Variants in ADAMTS6 observed in about 807,000 individuals in gnomAD.
ADAMTS6 encodes the protein A disintegrin and metalloproteinase with thrombospondin motifs 6.
A neutral mutation model predicts 144.3 loss-of-function variants in ADAMTS6; 23 were observed. The ratio of observed to expected loss-of-function variants is 0.16; its 90% CI spans 0.11 to 0.23. The LOEUF is 0.23. Ranked by LOEUF, ADAMTS6 falls within the 10% of genes least tolerant of loss-of-function variation. ADAMTS6 has a pLI of 1.00. For synonymous variants in ADAMTS6, 444 were observed against 457.5 expected, an observed-to-expected ratio of 0.97 and a Z score of 0.38; for missense variants, 999 against 1,379.6, an observed-to-expected ratio of 0.72 and a Z score of 4.37.
intron 14 of ADAMTS6, among the ~76,000 whole-genome samples, chr5:65,255,985 A>C (rs1030025619): frequency 1.3e-5 from 2 of 152,180 alleles, no homozygotes; most frequent in African/African-American, 4.8e-5. Context: ...CTCCCACCTC[A>C]ACCTCCTGAG....
chr5:65,220,660 T>C (rs1203506000), intron 18 of ADAMTS6, among the ~76,000 whole-genome samples: 1 of 151,938 alleles, frequency 6.6e-6, no homozygotes, highest in Non-Finnish European at 1.5e-5. Flanking sequence ...GGCAGGAGAA[T>C]GGCATGAACC....
At chr5:65,253,942 T>C (rs1317185296) in intron 14 of ADAMTS6, among the ~76,000 whole-genome samples, 2 of 142,916 alleles carry the variant, frequency 1.4e-5, no homozygotes, top group African/African-American at 2.6e-5. Flanking sequence ...ATCCTCCCAC[T>C]CAAGCAATCC....
At chr5:65,405,883 T>C (rs1275693933) in intron 7 of ADAMTS6, among the ~76,000 whole-genome samples, 2 of 152,180 alleles carry the variant, frequency 1.3e-5, no homozygotes, top group Non-Finnish European at 2.9e-5. Context: ...GTTGGATTCC[T>C]AGGTATTTTC....
At chr5:65,234,078 CAAA>C (rs3078364) in intron 15 of ADAMTS6, among the ~76,000 whole-genome samples, 11 of 90,370 alleles carry the variant, frequency 1.2e-4, no homozygotes, top group Non-Finnish European at 1.7e-4. Flanking sequence ...TGGTCACGTG[CAAA>C]AAAAAAAAAA....
chr5:65,227,284 G>A (rs1383074034), intron 15 of ADAMTS6, among the ~76,000 whole-genome samples: 1 of 152,228 alleles, frequency 6.6e-6, no homozygotes, highest in East Asian at 1.9e-4. Flanking sequence ...TTTTAAGGCT[G>A]AAGTTAAAAA....
At chr5:65,280,452 C>G (rs1466640986) in intron 11 of ADAMTS6, among the ~76,000 whole-genome samples, 3 of 152,280 alleles carry the variant, frequency 2.0e-5, no homozygotes, top group East Asian at 3.9e-4. Context: ...CTAAGCCAAC[C>G]ACCATGTTGA....
chr5:65,419,915 G>A (rs10077236), intron 7 of ADAMTS6, among the ~76,000 whole-genome samples: 58,784 of 152,020 alleles, frequency 0.39, 11,698 homozygotes, highest in South Asian at 0.43. Context: ...TAGTGGTGAT[G>A]GTTGTACATC....
At chr5:65,372,231 G>C (rs1160486487) in intron 7 of ADAMTS6, among the ~76,000 whole-genome samples, 1 of 146,108 alleles carries the variant, frequency 6.8e-6, no homozygotes, top group Admixed American at 6.6e-5. Flanking sequence ...ACATCATAAT[G>C]ACAAGATCAA....
rs114699052 is a variant in ADAMTS6 at position 65,211,333 on chromosome 5, G to A, written c.2575+3461C>T. On this transcript the variant is annotated intron_variant, in intron 20 of 24. Coordinates refer to ENST00000381055, the MANE Select transcript of ADAMTS6 (RefSeq NM_197941.4). ...AGTAAGCAAGATGGCTGGGTGCAGT[G>A]GCTCACGCCTGTAATCCTAGCACTC... Among the ~76,000 whole-genome samples, 179 of 152,316 alleles carry A rather than the reference G, an allele frequency of 1.2e-3. 1 individual carries two copies. Among genetic ancestry groups the A allele is most frequent in the Non-Finnish European group, 2.0e-3 (136 of 68,026 alleles).
chr5:65,423,648 C>T (rs970314943), intron 7 of ADAMTS6, among the ~76,000 whole-genome samples: 4 of 151,248 alleles, frequency 2.6e-5, no homozygotes, highest in Non-Finnish European at 1.5e-5. Flanking sequence ...TTTTTTAATG[C>T]CAGTAAAACT....
intron 4 of ADAMTS6, 74 bp from the exon 5 acceptor site, chr5:65,452,992 T>C: frequency 8.8e-7 from 1 of 1,134,164 alleles, no homozygotes; most frequent in Non-Finnish European, 1.2e-6. Context: ...CATGTAGACA[T>C]GCTTCTCACA....
At chr5:65,387,813 T>G (rs10452454) in intron 7 of ADAMTS6, among the ~76,000 whole-genome samples, 36 of 152,310 alleles carry the variant, frequency 2.4e-4, no homozygotes, top group African/African-American at 7.9e-4. Context: ...AATGAAAGAC[T>G]ATTCAGTGAA....
At chr5:65,446,293 C>T (rs977959650) in intron 7 of ADAMTS6, among the ~76,000 whole-genome samples, 4 of 152,136 alleles carry the variant, frequency 2.6e-5, no homozygotes. Context: ...TAAATGCACA[C>T]ACTGCAAGCC....
At chr5:65,298,025 TTTAA>T (rs1743008735) in intron 10 of ADAMTS6, among the ~76,000 whole-genome samples, 1 of 152,196 alleles carries the variant, frequency 6.6e-6, no homozygotes, top group Admixed American at 6.5e-5. Context: ...GATCAATTAT[TTTAA>T]TTAATTCAAT....
chr5:65,391,419 T>TACAC (rs34581260), intron 7 of ADAMTS6, among the ~76,000 whole-genome samples: 121 of 148,710 alleles, frequency 8.1e-4, no homozygotes, highest in East Asian at 2.2e-3. Context: ...TGTGTCTCTC[T>TACAC]ACACACACAC....
intron 7 of ADAMTS6, among the ~76,000 whole-genome samples, chr5:65,398,781 C>CAAGAAAGAAAGA (rs199684759): frequency 1.9e-5 from 2 of 106,990 alleles, no homozygotes; most frequent in South Asian, 3.5e-4. Flanking sequence ...GAAGAGAGAG[C>CAAGAAAGAAAGA]AAGAAAGAAA....
intron 22 of ADAMTS6, among the ~76,000 whole-genome samples, chr5:65,183,950 T>C (rs1754518678): frequency 1.3e-5 from 2 of 152,168 alleles, no homozygotes; most frequent in South Asian, 4.1e-4. Flanking sequence ...ATAATAAACC[T>C]TTAGGTAGCA....
chr5:65,349,160 T>C (rs145355967), intron 7 of ADAMTS6, among the ~76,000 whole-genome samples: 77 of 152,260 alleles, frequency 5.1e-4, no homozygotes, highest in East Asian at 4.8e-3. Context: ...ATGTTACACA[T>C]TGCTCAATAA....
At chr5:65,438,850 G>A (rs950392386) in intron 7 of ADAMTS6, among the ~76,000 whole-genome samples, 4 of 152,058 alleles carry the variant, frequency 2.6e-5, no homozygotes, top group African/African-American at 7.2e-5. Context: ...ATAAAGATTT[G>A]GCAGAAATAA....
Sources: gnomAD v4.1 joint callset for allele counts (sites outside exome capture counted in the v4.1 genomes callset) on GRCh38, gnomAD v4.1.1 for gene constraint, MANE v1.5 for transcripts, NCBI Gene and HGNC (gene_info 2026-07-23, HGNC 2026-07-21) for gene names.